Variants in RAVER2 observed in about 807,000 individuals in gnomAD.
RAVER2 encodes ribonucleoprotein, PTB binding 2.
A neutral mutation model predicts 78.1 loss-of-function variants in RAVER2; 46 were observed. The ratio of observed to expected loss-of-function variants is 0.59; its 90% CI spans 0.46 to 0.75. The LOEUF (loss-of-function observed/expected upper bound fraction) is 0.75, where lower values mean the gene tolerates loss of function less well. Ranked by LOEUF, RAVER2 falls within the 30% of genes least tolerant of loss-of-function variation. The probability of loss-of-function intolerance (pLI) is 0.00; values close to 1 mark genes in which losing one functional copy is unlikely to be tolerated. For missense variants in RAVER2, 793 were observed against 837.5 expected (o/e 0.95, Z 0.66); for synonymous variants, 311 against 313.3 (o/e 0.99, Z 0.08).
chr1:64,764,943 A>C (rs1256420532), intron 1 of RAVER2, among the ~76,000 whole-genome samples: 1 of 152,222 alleles, frequency 6.6e-6, no homozygotes, highest in Non-Finnish European at 1.5e-5. Flanking sequence ...TCATAGCAAC[A>C]CCTATATTAG....
intron 2 of RAVER2, among the ~76,000 whole-genome samples, chr1:64,770,188 C>A (rs903269542): frequency 1.3e-5 from 2 of 151,972 alleles, no homozygotes; most frequent in Admixed American, 1.3e-4. Context: ...ATAACTGAAG[C>A]TCTGAGTCAT....
At chr1:64,748,765 G>A (rs867045723) in intron 1 of RAVER2, among the ~76,000 whole-genome samples, 9 of 152,154 alleles carry the variant, frequency 5.9e-5, no homozygotes, top group African/African-American at 2.2e-4. Context: ...TGAAATGATA[G>A]GACAGCAGTC....
intron 11 of RAVER2, among the ~76,000 whole-genome samples, chr1:64,818,279 G>A (rs942403250): frequency 2.0e-5 from 3 of 152,186 alleles, no homozygotes; most frequent in Non-Finnish European, 4.4e-5. Context: ...GCTCACACCT[G>A]TAATCCCAGC....
intron 1 of RAVER2, among the ~76,000 whole-genome samples, chr1:64,748,940 C>G (rs764091455): frequency 6.6e-6 from 1 of 152,094 alleles, no homozygotes; most frequent in African/African-American, 2.4e-5. Context: ...CAGGCTGAAG[C>G]GATTCTCTCA....
At chr1:64,824,790 G>A (rs1401992413) in intron 11 of RAVER2, among the ~76,000 whole-genome samples, 1 of 151,870 alleles carries the variant, frequency 6.6e-6, no homozygotes. Context: ...AATTAGCCGG[G>A]TGTGGTGGTG....
chr1:64,801,887 A>G (rs1378828360), intron 5 of RAVER2, among the ~76,000 whole-genome samples: 1 of 152,264 alleles, frequency 6.6e-6, no homozygotes, highest in East Asian at 1.9e-4. Flanking sequence ...CAAACAAAAA[A>G]GAATGGCTGC....
At chr1:64,828,345 A>C (rs1454147741) in intron 11 of RAVER2, among the ~76,000 whole-genome samples, 1 of 152,120 alleles carries the variant, frequency 6.6e-6, no homozygotes, top group Non-Finnish European at 1.5e-5. Flanking sequence ...ACCTCATAGC[A>C]CACAAGCCCA....
At chr1:64,811,523 G>T (rs1042278411) in intron 9 of RAVER2, among the ~76,000 whole-genome samples, 1 of 152,134 alleles carries the variant, frequency 6.6e-6, no homozygotes, top group African/African-American at 2.4e-5. Context: ...CACAGATTGA[G>T]GTTTGTAGCT....
chr1:64,769,917 G>A (rs1377627608), intron 2 of RAVER2, among the ~76,000 whole-genome samples: 1 of 151,872 alleles, frequency 6.6e-6, no homozygotes, highest in Non-Finnish European at 1.5e-5. Flanking sequence ...TTCATAAATG[G>A]CATTCTAATG....
intron 1 of RAVER2, among the ~76,000 whole-genome samples, chr1:64,765,791 AAG>A (rs2100819776): frequency 6.6e-6 from 1 of 152,346 alleles, no homozygotes; most frequent in Non-Finnish European, 1.5e-5. Flanking sequence ...AAAATTTTAA[AAG>A]AAAATGAACA....
chr1:64,789,286 T>A, intron 4 of RAVER2, 102 bp from the exon 5 acceptor site: 1 of 986,678 alleles, frequency 1.0e-6, no homozygotes, highest in East Asian at 3.0e-5. Flanking sequence ...TATCATAAAA[T>A]AGATCTTGTC....
intron 5 of RAVER2, among the ~76,000 whole-genome samples, chr1:64,796,260 A>G (rs1014879517): frequency 2.0e-5 from 3 of 151,916 alleles, no homozygotes; most frequent in African/African-American, 2.4e-5. Context: ...CCCTTGTAAT[A>G]TATTTTCTGG....
At chr1:64,783,520 T>C (rs1390112277) in intron 4 of RAVER2, among the ~76,000 whole-genome samples, 2 of 152,254 alleles carry the variant, frequency 1.3e-5, no homozygotes, top group Admixed American at 1.3e-4. Context: ...GTTGACTGCA[T>C]AAATGTCTTC....
chr1:64,822,019 G>C (rs1653900706), intron 11 of RAVER2, among the ~76,000 whole-genome samples: 2 of 152,242 alleles, frequency 1.3e-5, no homozygotes, highest in South Asian at 4.1e-4. Context: ...CAGGCGCGGT[G>C]GCTCACGCCT....
chr1:64,765,061 A>C (rs978932311), intron 1 of RAVER2, among the ~76,000 whole-genome samples: 1 of 152,262 alleles, frequency 6.6e-6, no homozygotes, highest in Non-Finnish European at 1.5e-5. Flanking sequence ...GGCCACAATG[A>C]GACACAATTT....
chr1:64,812,707 A>C (rs1215971303), intron 9 of RAVER2, 31 bp from the exon 10 acceptor site: 2 of 1,441,168 alleles, frequency 1.4e-6, no homozygotes, highest in Non-Finnish European at 1.9e-6. Context: ...ACCTCTCATT[A>C]AGTACTCCCT....
chr1:64,829,286 G>A (rs1236179338), intron 11 of RAVER2, among the ~76,000 whole-genome samples: 1 of 152,198 alleles, frequency 6.6e-6, no homozygotes, highest in East Asian at 1.9e-4. Flanking sequence ...GAGCATCCCA[G>A]ATCCCAGAGT....
exon 12 of RAVER2, chr1:64,832,627 A>G (rs891880497): frequency 2.2e-4 from 33 of 152,188 alleles, no homozygotes; most frequent in Admixed American, 1.8e-3. Flanking sequence ...GAATTGGTAC[A>G]TATGTTGTAT....
exon 12 of RAVER2, chr1:64,830,887 G>A: frequency 6.2e-7 from 1 of 1,612,656 alleles, no homozygotes; most frequent in South Asian, 1.1e-5. Flanking sequence ...TCTCATCTCT[G>A]CCCCAGAAGG....
Sources: allele counts gnomAD v4.1 joint callset (sites outside exome capture counted in the v4.1 genomes callset), GRCh38; gene constraint gnomAD v4.1.1; transcripts MANE v1.5; gene names NCBI Gene and HGNC (gene_info 2026-07-23, HGNC 2026-07-21).